PRKAR2B: variants seen among roughly 807,000 people sequenced by gnomAD.
The protein encoded by PRKAR2B is protein kinase cAMP-dependent type II regulatory subunit beta.
Under a neutral mutation model 49.9 loss-of-function variants are expected in PRKAR2B, and 14 were observed. The ratio of observed to expected loss-of-function variants is 0.28; its 90% CI spans 0.19 to 0.44. The LOEUF (loss-of-function observed/expected upper bound fraction) is 0.44. Ranked by LOEUF, PRKAR2B falls within the 20% of genes least tolerant of loss-of-function variation. The pLI is 1.00. For missense variants in PRKAR2B, 393 were observed against 537.9 expected, an observed-to-expected ratio of 0.73 and a Z score of 2.67; for synonymous variants, 196 against 197.7, an observed-to-expected ratio of 0.99 and a Z score of 0.07.
At chr7:107,158,140 A>G (rs1447478543) in intron 10 of PRKAR2B, among the ~76,000 whole-genome samples, 2 of 150,716 alleles carry the variant, frequency 1.3e-5, no homozygotes, top group African/African-American at 4.9e-5. Context: ...CTGGCAGGTA[A>G]TTTCCCTAAG....
Position 107,044,957 on chromosome 7 carries a change from C to T in PRKAR2B, c.50C>T (p.Thr17Met), listed in dbSNP as rs2116739368. ...AGLTELLQGF[T>M]VEVLRHQPAD... Reference sequence around the variant, plus strand: ...CTGACGGAGCTGCTGCAGGGCTTCACGGTGGAGGTGCTGAGGCACCAGCCC... The same window carrying T: ...CTGACGGAGCTGCTGCAGGGCTTCATGGTGGAGGTGCTGAGGCACCAGCCC... The change falls in exon 1 of 11, where the codon ACG becomes ATG. Residue 17 changes from threonine (T) to methionine (M), a missense_variant. Physicochemically the swap from Thr to Met is moderately conservative, Grantham distance 81. This residue lies in a region of PRKAR2B where 160 missense variants were observed against 147.6 expected (regional missense o/e 1.08). Coordinates refer to ENST00000265717, the MANE Select transcript of PRKAR2B (RefSeq NM_002736.3). The T allele has an allele frequency of 6.3e-7, 1 of 1,595,578 alleles. No homozygotes were observed. Among genetic ancestry groups the T allele is most frequent in the Non-Finnish European group, 8.5e-7 (1 of 1,173,546 alleles).
intron 1 of PRKAR2B, among the ~76,000 whole-genome samples, chr7:107,049,935 AAT>A (rs556605056): frequency 0.011 from 1,724 of 152,348 alleles, 26 homozygotes; most frequent in Non-Finnish European, 0.017. Flanking sequence ...AGCATAAAAC[AAT>A]AGTGTCAGAA....
chr7:107,093,469 T>G (rs1336182849), intron 2 of PRKAR2B, among the ~76,000 whole-genome samples: 1 of 152,084 alleles, frequency 6.6e-6, no homozygotes, highest in Admixed American at 6.6e-5. Flanking sequence ...GACTTTGTGA[T>G]ATTGGAGAAA....
chr7:107,096,903 A>G (rs546653758), intron 2 of PRKAR2B, among the ~76,000 whole-genome samples: 4 of 152,240 alleles, frequency 2.6e-5, no homozygotes, highest in African/African-American at 9.6e-5. Context: ...GTTCTTTTAC[A>G]CTTGCTGAGG....
intron 1 of PRKAR2B, among the ~76,000 whole-genome samples, chr7:107,057,746 C>T (rs545105373): frequency 8.6e-5 from 13 of 151,774 alleles, no homozygotes; most frequent in Admixed American, 3.3e-4. Flanking sequence ...ACCTGGCATA[C>T]GCTAAGCATT....
chr7:107,117,341 T>C (rs1052338973), intron 2 of PRKAR2B, among the ~76,000 whole-genome samples: 4 of 152,194 alleles, frequency 2.6e-5, no homozygotes, highest in Non-Finnish European at 5.9e-5. Flanking sequence ...AGCTTTATTT[T>C]AAGCTAATTA....
chr7:107,112,031 A>C (rs1423487942), intron 2 of PRKAR2B, among the ~76,000 whole-genome samples: 1 of 140,844 alleles, frequency 7.1e-6, no homozygotes, highest in Non-Finnish European at 1.6e-5. Flanking sequence ...AAAAAAAGCC[A>C]GGAACAGTCG....
At chr7:107,157,355 C>T (rs755733032) in intron 10 of PRKAR2B, 31 bp downstream of exon 10, 17 of 1,591,114 alleles carry the variant, frequency 1.1e-5, no homozygotes, top group Middle Eastern at 3.3e-4. Context: ...CGTGCTTCTG[C>T]TGGTTGAACT....
At chr7:107,105,983 G>T (rs57996188) in intron 2 of PRKAR2B, among the ~76,000 whole-genome samples, 2,292 of 152,198 alleles carry the variant, frequency 0.015, 55 homozygotes, top group African/African-American at 0.052. Flanking sequence ...TAGCTCATGG[G>T]GGGTTGAGGT....
In PRKAR2B at chr7:107,060,219, G is replaced by A. The variant is rs112168727; in HGVS notation, c.308-10062G>A. 1.0e-2 allele frequency among the ~76,000 whole-genome samples: 1,521 copies of A among 152,256 alleles called. 10 individuals are homozygous for A. Among genetic ancestry groups the A allele is most frequent in the Non-Finnish European group, 0.014 (965 of 68,014 alleles). The stretch of plus-strand genomic sequence containing the variant: ...TATATAGAGATTTTGAGATCGAAAA[G>A]TTTGTGGACTGCTGCTATAGGGTAT... On this transcript the variant is annotated intron_variant, in intron 1 of 10. Coordinates refer to ENST00000265717, the MANE Select transcript of PRKAR2B (RefSeq NM_002736.3).
At chr7:107,089,424 A>G (rs1031456338) in intron 2 of PRKAR2B, among the ~76,000 whole-genome samples, 7 of 152,214 alleles carry the variant, frequency 4.6e-5, no homozygotes, top group African/African-American at 1.7e-4. Flanking sequence ...CTACATTAGT[A>G]GAGTTTAGGG....
intron 2 of PRKAR2B, among the ~76,000 whole-genome samples, chr7:107,085,915 AT>A (rs1407020709): frequency 6.6e-6 from 1 of 152,192 alleles, no homozygotes; most frequent in African/African-American, 2.4e-5. Context: ...TAGAAGTGGA[AT>A]TGCTTAATCA....
intron 4 of PRKAR2B, among the ~76,000 whole-genome samples, chr7:107,136,647 C>T (rs1254591634): frequency 6.6e-6 from 1 of 152,190 alleles, no homozygotes; most frequent in African/African-American, 2.4e-5. Flanking sequence ...AAATTTGAAA[C>T]ACTGACAACA....
At chr7:107,055,533 T>C (rs1793895469) in intron 1 of PRKAR2B, among the ~76,000 whole-genome samples, 1 of 152,194 alleles carries the variant, frequency 6.6e-6, no homozygotes, top group South Asian at 2.1e-4. Context: ...TATCTCATTG[T>C]GGTTTTGATT....
intron 2 of PRKAR2B, among the ~76,000 whole-genome samples, chr7:107,098,672 T>C (rs1178914165): frequency 2.0e-5 from 3 of 152,220 alleles, no homozygotes; most frequent in Non-Finnish European, 4.4e-5. Context: ...TCTTTGATGA[T>C]GGTGACGTAC....
At position 107,122,003 on chromosome 7, in the gene PRKAR2B, G is replaced by A; in HGVS notation, c.395G>A (p.Arg132Lys). Residue 132 changes from arginine (R) to lysine (K), a missense_variant and splice_region_variant, in exon 3 of 11, where the codon AGG (arginine) becomes AAG (lysine). Arg to Lys is a conservative substitution (Grantham distance 26). This residue lies in a region of PRKAR2B where 233 missense variants were observed against 390.4 expected (regional missense o/e 0.60). Transcript: ENST00000265717. The stretch of plus-strand genomic sequence containing the variant: ...GAAGAAGAAGATGATGCAGAGTCCA[G>A]GGTATGTAATTTACTGAATGAATGA... ...PDEEEDDAES[R>K]IIHPKTDDQR... 1.3e-6 allele frequency: 2 copies of A among 1,586,542 alleles called. No individual in the cohort carries two copies. Among genetic ancestry groups the A allele is most frequent in the Non-Finnish European group, 8.6e-7 (1 of 1,161,234 alleles).
Position 107,077,277 on chromosome 7 carries a change from C to G in PRKAR2B, c.343+6961C>G, listed in dbSNP as rs575264115. 7 of 152,248 alleles carry G rather than the reference C, an allele frequency of 4.6e-5. No homozygotes were observed. The East Asian group carries it at 1.2e-3, about 25-fold the overall frequency. The allele number at this position is 152,248 out of a possible 1,614,324, so 9.4% of individuals were successfully genotyped here. A position where few individuals can be genotyped will look rare whatever the true frequency, so the allele number is the denominator to read the frequency against. On this transcript the variant is annotated intron_variant, in intron 2 of 10. Transcript: ENST00000265717. Reference sequence around the variant, plus strand: ...CATTTACCGAGTCCCTCTTGTGTGTCAGGTACAGTGCTGGGGATGCCACGA... The same window carrying G: ...CATTTACCGAGTCCCTCTTGTGTGTGAGGTACAGTGCTGGGGATGCCACGA...
intron 2 of PRKAR2B, among the ~76,000 whole-genome samples, chr7:107,095,956 A>C (rs1794828567): frequency 6.6e-6 from 1 of 152,154 alleles, no homozygotes; most frequent in Non-Finnish European, 1.5e-5. Context: ...ATATTGGTCT[A>C]AAATTCCCTT....
rs1794632468 is a variant in PRKAR2B, at chr7:107,087,008, T to C, written c.343+16692T>C. Among the ~76,000 whole-genome samples, 3 of 152,158 alleles carry C rather than the reference T, an allele frequency of 2.0e-5. 1 individual carries two copies. The South Asian group carries it at 6.2e-4, about 32-fold the overall frequency. On this transcript the variant is annotated intron_variant, in intron 2 of 10. Coordinates refer to ENST00000265717, the MANE Select transcript of PRKAR2B (RefSeq NM_002736.3). ...TCATGGCTTTAAAATAATTACAGAA[T>C]AGTTTTATAAAATTGCAGTGAAACT...
Sources: gnomAD v4.1 joint callset for allele counts (sites outside exome capture counted in the v4.1 genomes callset) on GRCh38, gnomAD v4.1.1 for gene constraint, gnomAD v4.1.1 regional missense constraint, MANE v1.5 for transcripts, NCBI Gene and HGNC (gene_info 2026-07-23, HGNC 2026-07-21) for gene names.